PTBP2: variants seen among roughly 807,000 people sequenced by gnomAD.
The protein encoded by PTBP2 is polypyrimidine tract-binding protein 2.
In PTBP2, 13 loss-of-function variants were observed where a neutral mutation model predicts 61.4. That is an observed-to-expected ratio of 0.21 (90% CI 0.14 to 0.34). The LOEUF (loss-of-function observed/expected upper bound fraction) is 0.34, where lower values mean the gene tolerates loss of function less well. Among genes scored for constraint, PTBP2 ranks in the 10% least tolerant of loss-of-function variants. PTBP2 has a pLI of 1.00. For synonymous variants in PTBP2, 215 were observed against 218.5 expected (o/e 0.98, Z 0.14); for missense variants, 405 against 642.6 (o/e 0.63, Z 4.00).
chr1:96,791,826 C>CTTTTTTTTGTTTTTTTTTTTTTTTTTTT (rs1482989030), intron 8 of PTBP2, among the ~76,000 whole-genome samples: 1 of 66,128 alleles, frequency 1.5e-5, no homozygotes, highest in African/African-American at 8.2e-5. Flanking sequence ...TGGAGTTGTG[C>CTTTTTTTTGTTTTTTTTTTTTTTTTTTT]TTTTTTTTTT....
At chr1:96,750,069 T>C (rs78334771) in intron 2 of PTBP2, among the ~76,000 whole-genome samples, 9,528 of 152,140 alleles carry the variant, frequency 0.063, 375 homozygotes, top group Non-Finnish European at 0.079. Context: ...TGGGGATTTT[T>C]TTTTTTAAAC....
chr1:96,768,401 C>T (rs1202887517), intron 3 of PTBP2, among the ~76,000 whole-genome samples: 1 of 151,972 alleles, frequency 6.6e-6, no homozygotes, highest in East Asian at 1.9e-4. Flanking sequence ...TACACAAACA[C>T]ATTATATAGT....
At chr1:96,809,524 T>G (rs1050603275) in intron 11 of PTBP2, among the ~76,000 whole-genome samples, 1 of 152,120 alleles carries the variant, frequency 6.6e-6, no homozygotes, top group Non-Finnish European at 1.5e-5. Flanking sequence ...TTTGTTTGTT[T>G]GTTTTTGAGC....
intron 3 of PTBP2, among the ~76,000 whole-genome samples, chr1:96,766,411 G>A (rs572303864): frequency 6.6e-6 from 1 of 152,148 alleles, no homozygotes; most frequent in South Asian, 2.1e-4. Context: ...AAAGTTCTGG[G>A]TTTACTGGAG....
intron 3 of PTBP2, among the ~76,000 whole-genome samples, chr1:96,755,268 G>A (rs1208788048): frequency 6.6e-6 from 1 of 151,990 alleles, no homozygotes; most frequent in Non-Finnish European, 1.5e-5. Context: ...TAGTTATTAG[G>A]GAAATGAAAA....
chr1:96,793,834 G>C (rs1660098585), intron 8 of PTBP2, among the ~76,000 whole-genome samples: 1 of 152,138 alleles, frequency 6.6e-6, no homozygotes, highest in Non-Finnish European at 1.5e-5. Context: ...CTGAGTAAAG[G>C]AAATATGTTT....
chr1:96,796,892 A>AT (rs1266963332), intron 8 of PTBP2, among the ~76,000 whole-genome samples: 1 of 152,174 alleles, frequency 6.6e-6, no homozygotes, highest in Admixed American at 6.5e-5. Flanking sequence ...GAAAGGAGAT[A>AT]TAAGTGTTGA....
At chr1:96,762,500 C>T (rs1363374212) in intron 3 of PTBP2, among the ~76,000 whole-genome samples, 1 of 96,706 alleles carries the variant, frequency 1.0e-5, no homozygotes, top group Non-Finnish European at 2.1e-5. Context: ...GGGGCTGACC[C>T]CCGCCACCTC....
At chr1:96,768,393 C>A (rs900701753) in intron 3 of PTBP2, among the ~76,000 whole-genome samples, 3 of 152,036 alleles carry the variant, frequency 2.0e-5, no homozygotes, top group Non-Finnish European at 2.9e-5. Context: ...GTTGAACATA[C>A]ACAAACACAT....
At chr1:96,789,003 C>CA (rs1218663359) in intron 8 of PTBP2, among the ~76,000 whole-genome samples, 1 of 151,982 alleles carries the variant, frequency 6.6e-6, no homozygotes, top group Non-Finnish European at 1.5e-5. Context: ...ACACAGTGAT[C>CA]AAAAATCCTT....
At chr1:96,816,899 C>G (rs1255688116), downstream of PTBP2, 1 of 152,070 alleles carries the variant, frequency 6.6e-6, no homozygotes, top group Admixed American at 6.6e-5. Context: ...GCCAGATTTG[C>G]CCACAGTAAA....
Position 96,769,888 on chromosome 1 carries a change from C to T in PTBP2, c.288+13C>T. ...AGGAAAAAATCAGGTACACTTCTTTCAGGGTTTATGAAATGTTAAACCCCA... is the reference window on the plus strand; with the variant it reads ...AGGAAAAAATCAGGTACACTTCTTTTAGGGTTTATGAAATGTTAAACCCCA... On this transcript the variant is annotated intron_variant, in intron 4 of 13. Transcript: ENST00000674951. 6.4e-7 allele frequency: 1 copy of T among 1,569,194 alleles called. No individual in the cohort carries two copies. Among genetic ancestry groups the T allele is most frequent in the Non-Finnish European group, 8.6e-7 (1 of 1,159,220 alleles).
chr1:96,722,326 A>G (rs948142966), intron 1 of PTBP2, among the ~76,000 whole-genome samples: 1 of 151,542 alleles, frequency 6.6e-6, no homozygotes, highest in African/African-American at 2.4e-5. Context: ...GGAGAGAGGC[A>G]CCCCATGTGG....
At chr1:96,731,963 G>T (rs990637859) in intron 2 of PTBP2, among the ~76,000 whole-genome samples, 2 of 152,054 alleles carry the variant, frequency 1.3e-5, no homozygotes, top group Non-Finnish European at 2.9e-5. Context: ...TCCCCAATAC[G>T]GTAAAATGTT....
chr1:96,728,131 C>T (rs1650855774), intron 2 of PTBP2, among the ~76,000 whole-genome samples: 1 of 152,072 alleles, frequency 6.6e-6, no homozygotes, highest in Non-Finnish European at 1.5e-5. Context: ...GGACTATAGG[C>T]ACACAGCACC....
intron 11 of PTBP2, among the ~76,000 whole-genome samples, chr1:96,809,123 AAT>A (rs2101231511): frequency 1.3e-5 from 2 of 152,310 alleles, no homozygotes; most frequent in East Asian, 3.9e-4. Flanking sequence ...ATAGCCTCAA[AAT>A]ATATAAATAA....
chr1:96,746,703 A>G (rs76283267), intron 2 of PTBP2, among the ~76,000 whole-genome samples: 12 of 44,878 alleles, frequency 2.7e-4, no homozygotes, highest in African/African-American at 7.7e-4. Context: ...ACTTTGTCTG[A>G]AAAAAAAAAA....
intron 8 of PTBP2, among the ~76,000 whole-genome samples, chr1:96,793,697 A>G (rs985350314): frequency 6.6e-6 from 1 of 152,184 alleles, no homozygotes; most frequent in Non-Finnish European, 1.5e-5. Context: ...AACACTGGGT[A>G]AAATTTTTAT....
At chr1:96,745,733 T>C (rs984386073) in intron 2 of PTBP2, among the ~76,000 whole-genome samples, 7 of 152,100 alleles carry the variant, frequency 4.6e-5, no homozygotes, top group African/African-American at 1.7e-4. Context: ...ATTTTATCTT[T>C]TATTGGACAT....
Sources: gnomAD v4.1 joint callset for allele counts (sites outside exome capture counted in the v4.1 genomes callset) on GRCh38, gnomAD v4.1.1 for gene constraint, MANE v1.5 for transcripts, NCBI Gene and HGNC (gene_info 2026-07-23, HGNC 2026-07-21) for gene names.